Variants in TAF6 observed in about 807,000 individuals in gnomAD.
TAF6 encodes transcription initiation factor TFIID subunit 6.
TAF6 carries 50 observed loss-of-function variants against 73.5 expected under a neutral mutation model. The observed-to-expected ratio is 0.68, with a 90% CI of 0.54 to 0.86. The LOEUF is 0.86. Among genes scored for constraint, TAF6 ranks in the 40% least tolerant of loss-of-function variants. The pLI, the probability that TAF6 is intolerant of heterozygous loss-of-function variation, is 0.00. For synonymous variants in TAF6, 424 were observed against 376.7 expected, an observed-to-expected ratio of 1.13 and a Z score of -1.45; for missense variants, 768 against 899.5, an observed-to-expected ratio of 0.85 and a Z score of 1.87.
intron 1 of TAF6, chr7:100,114,580 C>T: frequency 3.5e-6 from 2 of 567,288 alleles, no homozygotes; most frequent in Non-Finnish European, 6.3e-6. Flanking sequence ...ATTAGCAGGG[C>T]GTGGTAGTGC....
rs879246982 is a variant in TAF6, at chr7:100,110,473, C to T, written c.1084-199G>A. ...CCTGAGGTCAGGAGTTCCAGACCAC[C>T]CTAGTCAACATGGTGAAACTCTGTC... On this transcript the variant is annotated intron_variant, in intron 10 of 14. Coordinates refer to ENST00000453269, the MANE Select transcript of TAF6 (RefSeq NM_139315.3). 3.7e-5 allele frequency: 18 copies of T among 490,296 alleles called. 2 individuals are homozygous for T. The highest frequency in any genetic ancestry group is 3.4e-4 in the South Asian group (17 of 50,290). 30.4% of individuals were successfully genotyped at this position (490,296 alleles called of 1,614,324 possible).
chr7:100,117,797 C>T (rs2116858095), intron 1 of TAF6, among the ~76,000 whole-genome samples: 1 of 151,040 alleles, frequency 6.6e-6, no homozygotes, highest in East Asian at 2.0e-4. Flanking sequence ...AATCCCAGCA[C>T]TTTGGGAGGC....
chr7:100,117,267 CT>C (rs1181165298), intron 1 of TAF6, among the ~76,000 whole-genome samples: 119 of 105,084 alleles, frequency 1.1e-3, no homozygotes, highest in Middle Eastern at 0.012. Flanking sequence ...AGACAGGGCT[CT>C]TTTTTTTTTT....
chr7:100,120,392 T>C (rs1375367293), upstream of TAF6: 2 of 152,428 alleles, frequency 1.3e-5, no homozygotes, highest in African/African-American at 4.8e-5. Context: ...GGTGAGACTT[T>C]GCAGACGGTG....
At chr7:100,126,070 C>T in the TAF6 span, among the ~76,000 whole-genome samples, 2 of 152,214 alleles carry the variant, frequency 1.3e-5, no homozygotes, top group African/African-American at 4.8e-5. Context: ...CCTGCAGTCC[C>T]AGCTACTCGG....
chr7:100,111,903 T>G lies in TAF6; in HGVS notation c.798+19A>C, dbSNP rs1365691456. ...AGCTTCCACTGCCGTCCCTGCACTG[T>G]GGAACCTCATGCTCTCACCCCCTCC... On this transcript the variant is annotated intron_variant, in intron 8 of 14. Transcript: ENST00000453269. 1 of 1,614,050 alleles carries G rather than the reference T, an allele frequency of 6.2e-7. No homozygotes were observed. Among genetic ancestry groups the G allele is most frequent in the Admixed American group, 1.7e-5 (1 of 60,002 alleles).
At position 100,107,097 on chromosome 7, in the gene TAF6, C is replaced by CT; in HGVS notation, c.*148dup. On this transcript the variant is annotated 3_prime_UTR_variant, in exon 15 of 15. Transcript: ENST00000453269. ...AGAACTTACAAACCAAACTTTTATT[C>CT]TGAGAAACTGGCTGTACAATATCTA... 7.6e-7 allele frequency: 1 copy of CT among 1,315,032 alleles called. No individual in the cohort carries two copies. The allele number at this position is 1,315,032 out of a possible 1,614,324, so 81.5% of individuals were successfully genotyped here.
In TAF6 at chr7:100,113,729, C is replaced by A. The variant is rs936204493; in HGVS notation, c.284G>T (p.Arg95Leu). 1 of 1,613,846 alleles carries A rather than the reference C, an allele frequency of 6.2e-7. No homozygotes were observed. Among genetic ancestry groups the A allele is most frequent in the Non-Finnish European group, 8.5e-7 (1 of 1,179,986 alleles). ...GFHAQEFIPF[R>L]FASGGGRELY... Reference sequence around the variant, plus strand: ...CTCCCGGCCCCCACCAGAGGCGAAGCGGAAAGGAATGAACTCCTGGGCGTG... The same window carrying A: ...CTCCCGGCCCCCACCAGAGGCGAAGAGGAAAGGAATGAACTCCTGGGCGTG... The change falls in exon 4 of 15, where the codon CGC becomes CTC. Residue 95 changes from arginine (R) to leucine (L), a missense_variant. By Grantham distance (102) the Arg-to-Leu change is moderately radical. This residue lies in a region of TAF6 where 269 missense variants were observed against 268.0 expected (regional missense o/e 1.00). Coordinates refer to ENST00000453269, the MANE Select transcript of TAF6 (RefSeq NM_139315.3).
At chr7:100,126,579 G>T in the TAF6 span, 1 of 152,246 alleles carries the variant, frequency 6.6e-6, no homozygotes, top group South Asian at 2.1e-4. Context: ...AGGATCGCTG[G>T]AGCCCAGGAG....
In TAF6 at chr7:100,107,597, G is replaced by A. The variant is rs372473866; in HGVS notation, c.1683C>T (p.Pro561=). 4.7e-5 allele frequency: 76 copies of A among 1,613,236 alleles called. No homozygotes were observed. In the African/African-American group the frequency reaches 5.3e-4, roughly 11 times the overall value. Residue 561 remains proline (P), a synonymous_variant, in exon 15 of 15, where the codon CCC becomes CCT. Coordinates refer to ENST00000453269, the MANE Select transcript of TAF6 (RefSeq NM_139315.3). ...QQVLSLSTSA[P]GSGSTTTSPV... is the part of the protein sequence containing the mutation. Reference sequence around the variant, plus strand: ...GCGAAGTGGTGGTGGAACCTGAGCCGGGGGCCGAGGTGCTGAGGGACAGGA... The same window carrying A: ...GCGAAGTGGTGGTGGAACCTGAGCCAGGGGCCGAGGTGCTGAGGGACAGGA...
At position 100,112,096 on chromosome 7, in the gene TAF6, T is replaced by C. The variant is rs568298776; in HGVS notation, c.720+12A>G. ...GCGTCTCAGGGCCAGGGCAAGCTGGTGGGGCCCTCACCGCCCTCTTGGCCT... is the reference window on the plus strand; with the variant it reads ...GCGTCTCAGGGCCAGGGCAAGCTGGCGGGGCCCTCACCGCCCTCTTGGCCT... On this transcript the variant is annotated intron_variant, in intron 7 of 14. Coordinates refer to ENST00000453269, the MANE Select transcript of TAF6 (RefSeq NM_139315.3). 1 of 1,613,546 alleles carries C rather than the reference T, an allele frequency of 6.2e-7. No individual in the cohort carries two copies. Among genetic ancestry groups the C allele is most frequent in the East Asian group, 2.2e-5 (1 of 44,870 alleles).
In TAF6 at chr7:100,107,357, A is replaced by G. The variant is rs1318533241; in HGVS notation, c.1923T>C (p.Ser641=). Residue 641 remains serine, a synonymous_variant, in exon 15 of 15, where the codon AGT becomes AGC. Coordinates refer to ENST00000453269, the MANE Select transcript of TAF6 (RefSeq NM_139315.3). ...CCTCCTGCTTCCCCCCACAAAGGGC[A>G]CTGCCGCTGAGTGGGGACGGGGACG... is the stretch of plus-strand genomic sequence containing the variant. ...PASSPSPLSG[S]ALCGGKQEAG... The G allele has an allele frequency of 4.5e-6, 7 of 1,563,308 alleles. No homozygotes were observed. Among genetic ancestry groups the G allele is most frequent in the Non-Finnish European group, 6.1e-6 (7 of 1,152,650 alleles).
upstream of TAF6, chr7:100,122,184 C>T: frequency 6.3e-7 from 1 of 1,581,922 alleles, no homozygotes; most frequent in African/African-American, 1.3e-5. Context: ...GCTCTGCTGC[C>T]TCAGGTCATC....
the TAF6 span, among the ~76,000 whole-genome samples, chr7:100,126,060 CCTG>C: frequency 0.014 from 2,187 of 152,350 alleles, 24 homozygotes; most frequent in Non-Finnish European, 0.021. Flanking sequence ...GTGGCAGGCG[CCTG>C]CAGTCCCAGC....
At chr7:100,123,001 A>AT, upstream of TAF6, 12 of 1,369,016 alleles carry the variant, frequency 8.8e-6, no homozygotes, top group Non-Finnish European at 1.2e-5. Flanking sequence ...GTCTACCCCT[A>AT]AGCATGGGGA....
At chr7:100,125,465 A>G in the TAF6 span, 1 of 152,284 alleles carries the variant, frequency 6.6e-6, no homozygotes, top group Non-Finnish European at 1.5e-5. Flanking sequence ...ATAGGTGCTC[A>G]ATTTTCTATA....
At chr7:100,118,830 C>A in intron 1 of TAF6, 3 of 984,942 alleles carry the variant, frequency 3.0e-6, no homozygotes, top group African/African-American at 1.7e-5. Context: ...GATCTCCTCC[C>A]CGACTTTTAT....
chr7:100,114,493 G>A (rs1027986397), intron 1 of TAF6: 2 of 609,132 alleles, frequency 3.3e-6, no homozygotes, highest in African/African-American at 3.7e-5. Context: ...GACGAGGCGG[G>A]CGGATCACTT....
Position 100,107,236 on chromosome 7 carries a change from A to G in TAF6, c.*10T>C, listed in dbSNP as rs770355213. On this transcript the variant is annotated 3_prime_UTR_variant, in exon 15 of 15. Transcript: ENST00000453269. ...CATGTGTGGGAATCCGGGGGCTGGC[A>G]GGTGGAGCATCACGGAGCAGGCTGA... 1.2e-5 allele frequency: 19 copies of G among 1,521,234 alleles called. No homozygotes were observed. The East Asian group carries it at 2.9e-4, about 24-fold the overall frequency. 94.2% of individuals were successfully genotyped at this position (1,521,234 alleles called of 1,614,324 possible).
Sources: allele counts gnomAD v4.1 joint callset (sites outside exome capture counted in the v4.1 genomes callset), GRCh38; gene constraint gnomAD v4.1.1; regional missense constraint gnomAD v4.1.1; transcripts MANE v1.5; gene names NCBI Gene and HGNC (gene_info 2026-07-23, HGNC 2026-07-21).